The following CIMAP3 variants were observed in gnomAD, a reference collection of about 807,000 sequenced individuals.
The protein encoded by CIMAP3 is ciliary microtubule associated protein 3.
the CIMAP3 span, among the ~76,000 whole-genome samples, chr1:111,337,602 C>T: frequency 2.6e-3 from 392 of 152,234 alleles, no homozygotes; most frequent in African/African-American, 8.8e-3. Context: ...ACAAAGAAGG[C>T]CGTTACATAA....
At chr1:111,343,079 T>C in the CIMAP3 span, among the ~76,000 whole-genome samples, 6,921 of 152,272 alleles carry the variant, frequency 0.045, 326 homozygotes, top group African/African-American at 0.11. Context: ...TAATCTGCTG[T>C]TAAACCCATA....
At chr1:111,346,790 T>G in the CIMAP3 span, 1 of 1,572,280 alleles carries the variant, frequency 6.4e-7, no homozygotes, top group Non-Finnish European at 8.7e-7. Context: ...TTGGCGTGGT[T>G]TTGTAAGCGC....
chr1:111,324,821 C>G, the CIMAP3 span: 1 of 985,300 alleles, frequency 1.0e-6, no homozygotes, highest in African/African-American at 1.7e-5. Context: ...TCTTCTCTAC[C>G]TGGGAGCTTG....
chr1:111,326,059 A>C, the CIMAP3 span, among the ~76,000 whole-genome samples: 1 of 152,280 alleles, frequency 6.6e-6, no homozygotes, highest in East Asian at 1.9e-4. Flanking sequence ...TATGGGGTAC[A>C]TGTGATATTG....
At chr1:111,348,175 G>A in the CIMAP3 span, among the ~76,000 whole-genome samples, 1 of 152,110 alleles carries the variant, frequency 6.6e-6, no homozygotes, top group African/African-American at 2.4e-5. Context: ...TCTCTTATTG[G>A]ACGACATTTT....
the CIMAP3 span, chr1:111,348,732 G>A: frequency 7.6e-7 from 1 of 1,320,292 alleles, no homozygotes. Flanking sequence ...CATAAAGAAG[G>A]GATGACATCC....
the CIMAP3 span, chr1:111,346,591 A>C: frequency 7.5e-6 from 12 of 1,608,192 alleles, no homozygotes; most frequent in Non-Finnish European, 1.0e-5. Context: ...GCTGGGAATC[A>C]CGGGACTAGC....
the CIMAP3 span, chr1:111,346,919 A>G: frequency 2.5e-6 from 4 of 1,613,822 alleles, no homozygotes; most frequent in Non-Finnish European, 3.4e-6. Context: ...GACGCTGCGG[A>G]TAACTACCCT....
the CIMAP3 span, among the ~76,000 whole-genome samples, chr1:111,331,337 T>G: frequency 6.6e-6 from 1 of 152,226 alleles, no homozygotes; most frequent in Non-Finnish European, 1.5e-5. Flanking sequence ...GCCCATAGTA[T>G]GGACTTAATG....
chr1:111,328,758 G>C, the CIMAP3 span, among the ~76,000 whole-genome samples: 1 of 152,172 alleles, frequency 6.6e-6, no homozygotes, highest in East Asian at 1.9e-4. Flanking sequence ...TGTGAGATAA[G>C]TCTCTTGAAG....
At chr1:111,335,466 T>C in the CIMAP3 span, among the ~76,000 whole-genome samples, 1,205 of 152,260 alleles carry the variant, frequency 7.9e-3, 15 homozygotes, top group African/African-American at 0.027. Flanking sequence ...GGGTGAAAGA[T>C]GGCACCTGGA....
At chr1:111,336,194 C>A in the CIMAP3 span, among the ~76,000 whole-genome samples, 2 of 152,136 alleles carry the variant, frequency 1.3e-5, no homozygotes, top group African/African-American at 4.8e-5. Context: ...ACCAAAAACC[C>A]ATCTGCACAT....
At chr1:111,333,917 G>A in the CIMAP3 span, among the ~76,000 whole-genome samples, 1 of 152,148 alleles carries the variant, frequency 6.6e-6, no homozygotes, top group African/African-American at 2.4e-5. Context: ...GGAAGGCCTG[G>A]TCTGTCATTC....
the CIMAP3 span, among the ~76,000 whole-genome samples, chr1:111,339,084 A>C: frequency 1.2e-4 from 18 of 152,230 alleles, no homozygotes; most frequent in East Asian, 3.5e-3. Flanking sequence ...CAGCATATAA[A>C]CAGAACCAAA....
At chr1:111,340,069 G>C in the CIMAP3 span, among the ~76,000 whole-genome samples, 4 of 151,960 alleles carry the variant, frequency 2.6e-5, no homozygotes, top group African/African-American at 9.7e-5. Context: ...ACAACTATCT[G>C]ATCTTTGACA....
At chr1:111,340,154 T>C in the CIMAP3 span, among the ~76,000 whole-genome samples, 25 of 152,202 alleles carry the variant, frequency 1.6e-4, no homozygotes, top group East Asian at 3.7e-3. Flanking sequence ...GCTAGCTGTA[T>C]GTAAAAAGCT....
At chr1:111,348,571 AC>A in the CIMAP3 span, 1 of 1,612,592 alleles carries the variant, frequency 6.2e-7, no homozygotes, top group South Asian at 1.1e-5. Flanking sequence ...CAGGAAAAAC[AC>A]AAACAAAATT....
the CIMAP3 span, chr1:111,350,352 A>C: frequency 4.2e-6 from 3 of 710,370 alleles, no homozygotes; most frequent in Non-Finnish European, 7.2e-6. Context: ...TTATATGCAC[A>C]ATTTTGTGTG....
chr1:111,348,428 G>T, the CIMAP3 span: 1 of 1,274,180 alleles, frequency 7.8e-7, no homozygotes, highest in African/African-American at 1.5e-5. Flanking sequence ...ACAGAAAGAG[G>T]ATGATTCTGT....
Sources: allele counts gnomAD v4.1 joint callset (sites outside exome capture counted in the v4.1 genomes callset), GRCh38; gene constraint gnomAD v4.1.1; transcripts MANE v1.5; gene names NCBI Gene and HGNC (gene_info 2026-07-23, HGNC 2026-07-21).